STX8: variants seen among roughly 807,000 people sequenced by gnomAD.
STX8 encodes syntaxin 8, also known as syntaxin-8.
In STX8, 23 loss-of-function variants were observed where a neutral mutation model predicts 37.5. That is an observed-to-expected ratio of 0.61 (90% CI 0.44 to 0.87). The LOEUF (loss-of-function observed/expected upper bound fraction) is 0.87, where lower values mean the gene tolerates loss of function less well. STX8 is among the 40% of genes least tolerant of loss of function. STX8 has a pLI of 0.00. For missense variants in STX8, 313 were observed against 284.7 expected (o/e 1.10, Z -0.71); for synonymous variants, 115 against 99.1 (o/e 1.16, Z -0.95).
At chr17:9,423,292 T>C (rs1913510014) in intron 6 of STX8, among the ~76,000 whole-genome samples, 1 of 152,182 alleles carries the variant, frequency 6.6e-6, no homozygotes, top group African/African-American at 2.4e-5. Context: ...TTAGAAGTAA[T>C]AATGAGGAAG....
intron 7 of STX8, among the ~76,000 whole-genome samples, chr17:9,352,083 G>GTT (rs1184998513): frequency 6.6e-6 from 1 of 151,120 alleles, no homozygotes; most frequent in African/African-American, 2.4e-5. Flanking sequence ...CCTGGAAGAT[G>GTT]GAGGGCTTCG....
At chr17:9,469,268 C>A (rs1364039848) in intron 6 of STX8, 1 of 152,008 alleles carries the variant, frequency 6.6e-6, no homozygotes, top group Non-Finnish European at 1.5e-5. Flanking sequence ...CTGTCCTGAC[C>A]CACTTTAAAG....
At chr17:9,401,778 A>T (rs1265607600) in intron 6 of STX8, among the ~76,000 whole-genome samples, 1 of 152,224 alleles carries the variant, frequency 6.6e-6, no homozygotes, top group East Asian at 1.9e-4. Context: ...GTTCCATGAC[A>T]TCTGTCAGTT....
intron 6 of STX8, among the ~76,000 whole-genome samples, chr17:9,403,333 A>C (rs1912690829): frequency 1.3e-5 from 2 of 152,222 alleles, no homozygotes; most frequent in Non-Finnish European, 2.9e-5. Context: ...TAAAGAAATA[A>C]AATCTAATTG....
chr17:9,448,004 G>A (rs1904910789), intron 6 of STX8, among the ~76,000 whole-genome samples: 1 of 151,688 alleles, frequency 6.6e-6, no homozygotes. Context: ...TCATCAAACT[G>A]TCTCTACTAA....
chr17:9,515,706 T>C (rs369730454), intron 4 of STX8, among the ~76,000 whole-genome samples: 7 of 152,216 alleles, frequency 4.6e-5, no homozygotes, highest in African/African-American at 1.7e-4. Context: ...TTATTATTTG[T>C]AGAGATGGGG....
intron 6 of STX8, among the ~76,000 whole-genome samples, chr17:9,399,822 C>T (rs556461335): frequency 2.4e-4 from 35 of 146,466 alleles, no homozygotes; most frequent in African/African-American, 7.1e-4. Context: ...GCCAAGATCA[C>T]GCCATTGCAC....
At position 9,250,649 on chromosome 17, in the gene STX8, GA is replaced by G; in HGVS notation, c.644-5del. On this transcript the variant is annotated splice_polypyrimidine_tract_variant and splice_region_variant and intron_variant, in intron 7 of 7. Transcript: ENST00000306357. ...AGTAAAATCACCATGATCATCCCTG[GA>G]AAAAAGCAGCAGAAAATACTACTTT... is the stretch of plus-strand genomic sequence containing the variant. 6.3e-7 allele frequency: 1 copy of G among 1,591,754 alleles called. No homozygotes were observed. Among genetic ancestry groups the G allele is most frequent in the Non-Finnish European group, 8.6e-7 (1 of 1,168,776 alleles).
rs1908000960 is a variant in STX8 at position 9,284,385 on chromosome 17, T to G, written c.644-33740A>C. ...ATAAGCAAAAAAGGTTAGGTTTAACTCTGATCGTCTTAGCTAAAGAAAATA... is the reference window on the plus strand; with the variant it reads ...ATAAGCAAAAAAGGTTAGGTTTAACGCTGATCGTCTTAGCTAAAGAAAATA... On this transcript the variant is annotated intron_variant, in intron 7 of 7. Transcript: ENST00000306357. Among the ~76,000 whole-genome samples, 2 of 152,230 alleles carry G rather than the reference T, an allele frequency of 1.3e-5. 1 individual carries two copies. Among genetic ancestry groups the G allele is most frequent in the South Asian group, 4.1e-4 (2 of 4,836 alleles).
chr17:9,474,582 G>A (rs1906020397), intron 6 of STX8, among the ~76,000 whole-genome samples: 1 of 152,228 alleles, frequency 6.6e-6, no homozygotes, highest in South Asian at 2.1e-4. Flanking sequence ...AGACTCCACA[G>A]GTTTAAGGGC....
chr17:9,462,279 A>G (rs907404876), intron 6 of STX8, among the ~76,000 whole-genome samples: 1 of 152,176 alleles, frequency 6.6e-6, no homozygotes, highest in Admixed American at 6.5e-5. Flanking sequence ...GCTGACAAGA[A>G]AGGCAGAAAG....
intron 6 of STX8, among the ~76,000 whole-genome samples, chr17:9,458,441 G>A (rs939042166): frequency 6.6e-6 from 1 of 152,168 alleles, no homozygotes; most frequent in Non-Finnish European, 1.5e-5. Flanking sequence ...GAGCCACCGT[G>A]CCCTGCCAAT....
chr17:9,392,149 A>G (rs958476461), intron 6 of STX8, among the ~76,000 whole-genome samples: 1 of 152,248 alleles, frequency 6.6e-6, no homozygotes, highest in Non-Finnish European at 1.5e-5. Flanking sequence ...ACATCTCTGT[A>G]GGATTTAAAC....
At chr17:9,308,372 G>C (rs559945562) in intron 7 of STX8, among the ~76,000 whole-genome samples, 1 of 152,342 alleles carries the variant, frequency 6.6e-6, no homozygotes, top group Non-Finnish European at 1.5e-5. Context: ...AGTAGAATTA[G>C]AGGATTATTT....
intron 6 of STX8, among the ~76,000 whole-genome samples, chr17:9,458,268 A>G (rs761842434): frequency 7.9e-5 from 12 of 151,432 alleles, no homozygotes; most frequent in Non-Finnish European, 1.3e-4. Flanking sequence ...TCCTGCCTTA[A>G]CCTCCCAAGT....
At chr17:9,510,411 G>C (rs1904986500) in intron 4 of STX8, among the ~76,000 whole-genome samples, 1 of 152,080 alleles carries the variant, frequency 6.6e-6, no homozygotes, top group Admixed American at 6.5e-5. Flanking sequence ...TTTAGAAATT[G>C]AAATCATACC....
At position 9,466,417 on chromosome 17, in the gene STX8, G is replaced by A. The variant is rs369195962; in HGVS notation, c.541+25412C>T. On this transcript the variant is annotated intron_variant, in intron 6 of 7. Coordinates refer to ENST00000306357, the MANE Select transcript of STX8 (RefSeq NM_004853.3). ...AAACATGGTGGACTGTTTCCAAAGA[G>A]TGGACTAAATTCATTAATCGCCCTG... Among the ~76,000 whole-genome samples the A allele has an allele frequency of 2.6e-5, 4 of 152,318 alleles. No individual in the cohort carries two copies. The East Asian group carries it at 5.8e-4, about 22-fold the overall frequency.
intron 6 of STX8, among the ~76,000 whole-genome samples, chr17:9,476,123 G>C (rs1906093852): frequency 1.3e-5 from 2 of 152,194 alleles, no homozygotes; most frequent in South Asian, 4.1e-4. Context: ...AGGTTGCAGT[G>C]AGGCGAGATC....
intron 7 of STX8, among the ~76,000 whole-genome samples, chr17:9,323,966 G>A (rs900381651): frequency 9.2e-5 from 14 of 152,150 alleles, no homozygotes; most frequent in Non-Finnish European, 1.9e-4. Context: ...CAGGCGCAGT[G>A]GGGCGGAGAG....
Sources: allele counts gnomAD v4.1 joint callset (sites outside exome capture counted in the v4.1 genomes callset), GRCh38; gene constraint gnomAD v4.1.1; transcripts MANE v1.5; gene names NCBI Gene and HGNC (gene_info 2026-07-23, HGNC 2026-07-21).